The following MVB12B variants were observed in gnomAD, a reference collection of about 807,000 sequenced individuals.
MVB12B encodes multivesicular body subunit 12B.
In MVB12B, 16 loss-of-function variants were observed where a neutral mutation model predicts 41.6. That is an observed-to-expected ratio of 0.38 (90% CI 0.26 to 0.58). The LOEUF (loss-of-function observed/expected upper bound fraction) is 0.58. MVB12B is among the 20% of genes least tolerant of loss of function. The pLI is 0.62. For synonymous variants in MVB12B, 133 were observed against 139.7 expected (o/e 0.95, Z 0.34); for missense variants, 274 against 380.2 (o/e 0.72, Z 2.32).
At position 126,395,493 on chromosome 9, in the gene MVB12B, T is replaced by A; in HGVS notation, c.540-82T>A. 3 of 1,536,344 alleles carry A rather than the reference T, an allele frequency of 2.0e-6. No individual in the cohort carries two copies. The highest frequency in any genetic ancestry group is 2.7e-6 in the Non-Finnish European group (3 of 1,125,312). On this transcript the variant is annotated intron_variant, in intron 5 of 9. Transcript: ENST00000361171. The surrounding 1 kb of genome is among the most constrained non-coding windows in gnomAD (Gnocchi z 4.9). Reference sequence around the variant, plus strand: ...CCTGGTGTTTGAGGCCATGACTCTTTTAAATGAATTGGTTTGCTTTGTCAC... The same window carrying A: ...CCTGGTGTTTGAGGCCATGACTCTTATAAATGAATTGGTTTGCTTTGTCAC...
chr9:126,349,237 A>G (rs1829682604), intron 2 of MVB12B, among the ~76,000 whole-genome samples: 1 of 152,070 alleles, frequency 6.6e-6, no homozygotes, highest in African/African-American at 2.4e-5. Flanking sequence ...CCCTGGGGTG[A>G]TTTAGGGCAG....
chr9:126,504,930 C>A lies in MVB12B; in HGVS notation c.*1667C>A. The A allele has an allele frequency of 6.6e-6, 1 of 152,390 alleles. No individual in the cohort carries two copies. The highest frequency in any genetic ancestry group is 1.5e-5 in the Non-Finnish European group (1 of 68,106). 9.4% of individuals were successfully genotyped at this position (152,390 alleles called of 1,614,324 possible). On this transcript the variant is annotated 3_prime_UTR_variant, in exon 10 of 10. Transcript: ENST00000361171. ...GCTGCCGATGCTCCGTTCACATAAG[C>A]CAGTGTGGTTCTGGGGACCTGAGGA...
chr9:126,327,219 C>A (rs1829006680), intron 1 of MVB12B: 1 of 983,784 alleles, frequency 1.0e-6, no homozygotes, highest in Non-Finnish European at 1.2e-6. Context: ...GCTGCCGGTG[C>A]CCGGGCTCGG....
intron 9 of MVB12B, among the ~76,000 whole-genome samples, chr9:126,497,829 GGAA>G (rs1176619766): frequency 2.0e-5 from 3 of 152,226 alleles, no homozygotes; most frequent in African/African-American, 4.8e-5. Context: ...TGCAGCTGCT[GGAA>G]GAAGACGTGC....
intron 7 of MVB12B, among the ~76,000 whole-genome samples, chr9:126,445,554 C>T (rs1039122761): frequency 2.0e-5 from 3 of 152,196 alleles, no homozygotes; most frequent in South Asian, 2.1e-4. Context: ...TCCTCCCCCT[C>T]GGCCTCCCAA....
At chr9:126,455,313 G>T (rs556017820) in intron 7 of MVB12B, among the ~76,000 whole-genome samples, 34 of 151,510 alleles carry the variant, frequency 2.2e-4, no homozygotes, top group African/African-American at 8.0e-4. Context: ...TCAGCCTCCC[G>T]AGTAGATGGG....
intron 9 of MVB12B, among the ~76,000 whole-genome samples, chr9:126,502,536 G>T (rs912939141): frequency 2.0e-5 from 3 of 149,556 alleles, no homozygotes; most frequent in African/African-American, 5.1e-5. Flanking sequence ...GTGGAGGAAG[G>T]TCCCCCCACC....
chr9:126,463,978 T>C (rs546886229), intron 7 of MVB12B, among the ~76,000 whole-genome samples: 13 of 152,320 alleles, frequency 8.5e-5, no homozygotes, highest in African/African-American at 3.1e-4. Flanking sequence ...AGGAGTGGAA[T>C]GTCCCCGTTT....
chr9:126,344,262 CAAAT>C (rs1411498674), intron 2 of MVB12B, among the ~76,000 whole-genome samples: 1 of 152,136 alleles, frequency 6.6e-6, no homozygotes, highest in Non-Finnish European at 1.5e-5. Context: ...ATGATGGTTG[CAAAT>C]AAATAAAAGA....
chr9:126,477,299 G>A (rs894531135), intron 7 of MVB12B, among the ~76,000 whole-genome samples: 3 of 152,158 alleles, frequency 2.0e-5, no homozygotes, highest in East Asian at 1.9e-4. Flanking sequence ...ACCAGGTCTC[G>A]ATCTCCAACA....
intron 1 of MVB12B, among the ~76,000 whole-genome samples, chr9:126,327,627 G>A (rs560355243): frequency 6.6e-6 from 1 of 152,280 alleles, no homozygotes; most frequent in South Asian, 2.1e-4. Flanking sequence ...GAGGAGCAGG[G>A]GCTGGGACAA....
At chr9:126,387,406 G>T (rs1021966792) in intron 4 of MVB12B, among the ~76,000 whole-genome samples, 3 of 152,140 alleles carry the variant, frequency 2.0e-5, no homozygotes, top group Non-Finnish European at 4.4e-5. Flanking sequence ...CTTTCATTAC[G>T]ACTCAGGGTT....
At chr9:126,494,325 C>T (rs1024198216) in intron 9 of MVB12B, among the ~76,000 whole-genome samples, 9 of 152,176 alleles carry the variant, frequency 5.9e-5, no homozygotes, top group Non-Finnish European at 8.8e-5. Flanking sequence ...TCTCGGCAGC[C>T]AGTGTCCTGG....
chr9:126,487,992 G>A (rs1188358070), intron 9 of MVB12B, among the ~76,000 whole-genome samples: 1 of 152,172 alleles, frequency 6.6e-6, no homozygotes, highest in Non-Finnish European at 1.5e-5. Flanking sequence ...TTCGCGTAAC[G>A]TTGATGTCCA....
At chr9:126,426,283 T>C (rs985636630) in intron 7 of MVB12B, among the ~76,000 whole-genome samples, 4 of 152,256 alleles carry the variant, frequency 2.6e-5, no homozygotes, top group African/African-American at 9.6e-5. Flanking sequence ...GTAAACAAAA[T>C]ATTTCAAAAC....
At position 126,499,825 on chromosome 9, in the gene MVB12B, G is replaced by A. The variant is rs532494135; in HGVS notation, c.874-3352G>A. 3.3e-5 allele frequency among the ~76,000 whole-genome samples: 5 copies of A among 152,348 alleles called. No homozygotes were observed. In the East Asian group the frequency reaches 7.7e-4, roughly 24 times the overall value. Reference sequence around the variant, plus strand: ...TCTGTGCGCCCTCGCGGGGACCGGCGTGGTGCAGGCAGGAAGGGGCGCCTT... The same window carrying A: ...TCTGTGCGCCCTCGCGGGGACCGGCATGGTGCAGGCAGGAAGGGGCGCCTT... On this transcript the variant is annotated intron_variant, in intron 9 of 9. Transcript: ENST00000361171.
At position 126,376,559 on chromosome 9, in the gene MVB12B, C is replaced by G. The variant is rs1183642791; in HGVS notation, c.205-4505C>G. The G allele has an allele frequency of 1.6e-6, 2 of 1,289,264 alleles. No individual in the cohort carries two copies. The highest frequency in any genetic ancestry group is 2.0e-6 in the Non-Finnish European group (2 of 988,884). The allele number at this position is 1,289,264 out of a possible 1,614,324, so 79.9% of individuals were successfully genotyped here. A position where few individuals can be genotyped will look rare whatever the true frequency, so the allele number is the denominator to read the frequency against. On this transcript the variant is annotated intron_variant, in intron 2 of 9. Transcript: ENST00000361171. This position sits in a 1 kb window ranked among gnomAD's most constrained non-coding sequence, Gnocchi z 4.1. ...GGCTCAGATCGTGGGCTGGTCCACCCTGGCGCTTTCCAGAGACAAAGCCCT... is the reference window on the plus strand; with the variant it reads ...GGCTCAGATCGTGGGCTGGTCCACCGTGGCGCTTTCCAGAGACAAAGCCCT...
chr9:126,396,812 T>C lies in MVB12B; in HGVS notation c.662+1115T>C, dbSNP rs529361305. The C allele has an allele frequency of 2.5e-5, 25 of 985,492 alleles. 1 individual carries two copies. The Admixed American group carries it at 1.3e-3, about 51-fold the overall frequency. 61.0% of individuals were successfully genotyped at this position (985,492 alleles called of 1,614,324 possible). A position where few individuals can be genotyped will look rare whatever the true frequency, so the allele number is the denominator to read the frequency against. On this transcript the variant is annotated intron_variant, in intron 6 of 9. Transcript: ENST00000361171. ...CTTTAGAAGTAGTTTTCAGTTTCAT[T>C]TGGCATAAAAAGATAGGAATCTCTA...
At chr9:126,338,326 C>A (rs1322636104) in intron 1 of MVB12B, among the ~76,000 whole-genome samples, 1 of 152,228 alleles carries the variant, frequency 6.6e-6, no homozygotes. Flanking sequence ...CCTGGGCCGC[C>A]ACAGGGCATT....
Sources: allele counts gnomAD v4.1 joint callset (sites outside exome capture counted in the v4.1 genomes callset), GRCh38; gene constraint gnomAD v4.1.1; non-coding constraint Gnocchi (gnomAD v3.1); transcripts MANE v1.5; gene names NCBI Gene and HGNC (gene_info 2026-07-23, HGNC 2026-07-21).